TMEM43: variants seen among roughly 807,000 people sequenced by gnomAD.
The protein encoded by TMEM43 is transmembrane protein 43, also known as arrhythmogenic right ventricular dysplasia 5.
Under a neutral mutation model 49.6 loss-of-function variants are expected in TMEM43, and 45 were observed. The observed-to-expected ratio is 0.91, with a 90% confidence interval of 0.71 to 1.16. The LOEUF (loss-of-function observed/expected upper bound fraction) is 1.16, where lower values mean the gene tolerates loss of function less well. TMEM43 is among the 50% of genes most tolerant of loss of function. TMEM43 has a pLI of 0.00. For synonymous variants in TMEM43, 199 were observed against 207.8 expected (o/e 0.96, Z 0.36); for missense variants, 532 against 516.6 (o/e 1.03, Z -0.29).
chr3:14,135,869 T>A lies in TMEM43; in HGVS notation c.843T>A (p.Asp281Glu), dbSNP rs1559362215. 6.2e-7 allele frequency: 1 copy of A among 1,614,174 alleles called. No individual in the cohort carries two copies. Among genetic ancestry groups the A allele is most frequent in the Non-Finnish European group, 8.5e-7 (1 of 1,180,034 alleles). ...TCCCATTCTCCACCAAGTCTGGGGA[T>A]ACCTTACTGCTCCTGCACCACGGGG... Reference protein sequence around the residue: ...QLVPFSTKSGDTLLLLHHGDF... With the variant: ...QLVPFSTKSGETLLLLHHGDF... The change falls in exon 10 of 12, where the codon GAT (aspartate) becomes GAA (glutamate). Residue 281 changes from aspartate (D) to glutamate (E), a missense_variant. Coordinates refer to ENST00000306077, the MANE Select transcript of TMEM43 (RefSeq NM_024334.3).
chr3:14,125,251 G>A lies in TMEM43; in HGVS notation c.12+46G>A, dbSNP rs1354757435. 3.8e-6 allele frequency: 6 copies of A among 1,583,370 alleles called. No individual in the cohort carries two copies. The South Asian group carries it at 6.9e-5, about 18-fold the overall frequency. Reference sequence around the variant, plus strand: ...CGGGCCACACCCAGGCTTCCCCGTCGCCCTGGGGCTTTTCCCCGGGGTCCT... The same window carrying A: ...CGGGCCACACCCAGGCTTCCCCGTCACCCTGGGGCTTTTCCCCGGGGTCCT... On this transcript the variant is annotated intron_variant, in intron 1 of 11. Transcript: ENST00000306077.
Position 14,141,748 on chromosome 3 carries a change from C to G in TMEM43, c.1156C>G (p.Pro386Ala). 1 of 1,614,100 alleles carries G rather than the reference C, an allele frequency of 6.2e-7. No homozygotes were observed. Among genetic ancestry groups the G allele is most frequent in the East Asian group, 2.2e-5 (1 of 44,884 alleles). The change falls in exon 12 of 12, where the codon CCC (proline) becomes GCC (alanine). Residue 386 changes from proline (P) to alanine (A), a missense_variant. Coordinates refer to ENST00000306077, the MANE Select transcript of TMEM43 (RefSeq NM_024334.3). ...CCTCATTGCCGGCCTGGCCCTTGTG[C>G]CCATCCTTGTTGCTCGGACACGGGT... ...ALLIAGLALV[P>A]ILVARTRVPA... is the part of the protein sequence containing the mutation.
rs1695253499 is a variant in TMEM43, at chr3:14,141,870, A to T, written c.*75A>T. On this transcript the variant is annotated 3_prime_UTR_variant, in exon 12 of 12. Coordinates refer to ENST00000306077, the MANE Select transcript of TMEM43 (RefSeq NM_024334.3). ...CCTCTCTCACCTCTGACCCAGCTCC[A>T]TGCCAGAGCAGGAGCCCCGGTCAAT... is the stretch of plus-strand genomic sequence containing the variant. The T allele has an allele frequency of 6.8e-7, 1 of 1,460,004 alleles. No individual in the cohort carries two copies. The highest frequency in any genetic ancestry group is 1.4e-5 in the African/African-American group (1 of 71,306). The allele number at this position is 1,460,004 out of a possible 1,614,324, so 90.4% of individuals were successfully genotyped here. A position where few individuals can be genotyped will look rare whatever the true frequency, so the allele number is the denominator to read the frequency against.
Position 14,142,733 on chromosome 3 carries a change from A to G in TMEM43, c.*938A>G, listed in dbSNP as rs536962928. On this transcript the variant is annotated 3_prime_UTR_variant, in exon 12 of 12. Coordinates refer to ENST00000306077, the MANE Select transcript of TMEM43 (RefSeq NM_024334.3). ...AAGCTTTACAATGGATGCTTTTGAA[A>G]CAAGTATCAGCAAAAGGATTTGTTT... The G allele has an allele frequency of 1.3e-5, 2 of 152,786 alleles. No individual in the cohort carries two copies. Among genetic ancestry groups the G allele is most frequent in the African/African-American group, 4.8e-5 (2 of 41,582 alleles). 9.5% of individuals were successfully genotyped at this position (152,786 alleles called of 1,614,324 possible).
At chr3:14,133,649 G>C (rs2733585) in intron 6 of TMEM43, 90 bp from the exon 7 acceptor site, 19 of 1,225,096 alleles carry the variant, frequency 1.6e-5, no homozygotes, top group Non-Finnish European at 2.3e-5. Flanking sequence ...GAACCCCCGG[G>C]TGGGGACCCT....
chr3:14,137,668 C>G (rs994620882), intron 10 of TMEM43, among the ~76,000 whole-genome samples: 1 of 152,250 alleles, frequency 6.6e-6, no homozygotes, highest in Admixed American at 6.5e-5. Context: ...ACACTGCAGA[C>G]GGCCCTGGCA....
chr3:14,142,198 G>A lies in TMEM43; in HGVS notation c.*403G>A, dbSNP rs578094273. 3.5e-5 allele frequency: 9 copies of A among 254,172 alleles called. No homozygotes were observed. The South Asian group carries it at 3.9e-4, about 11-fold the overall frequency. The allele number at this position is 254,172 out of a possible 1,614,324, so 15.7% of individuals were successfully genotyped here. ...TGCTGCTTCTCATCACTGCACACAA[G>A]TGCCATGCTTTGCCACCACCACCAA... On this transcript the variant is annotated 3_prime_UTR_variant, in exon 12 of 12. Transcript: ENST00000306077.
rs370969669 is a variant in TMEM43, at chr3:14,133,398, G to T, written c.513-341G>T. On this transcript the variant is annotated intron_variant, in intron 6 of 11. Coordinates refer to ENST00000306077, the MANE Select transcript of TMEM43 (RefSeq NM_024334.3). Reference sequence around the variant, plus strand: ...TTCAGCAATGGTCTGGGCTGTGCCAGTAAGATGGTTGGGATGGAATGCTCT... The same window carrying T: ...TTCAGCAATGGTCTGGGCTGTGCCATTAAGATGGTTGGGATGGAATGCTCT... Among the ~76,000 whole-genome samples, 57 of 152,346 alleles carry T rather than the reference G, an allele frequency of 3.7e-4. 1 individual carries two copies. Among genetic ancestry groups the T allele is most frequent in the Middle Eastern group, 6.8e-3 (2 of 294 alleles).
intron 1 of TMEM43, among the ~76,000 whole-genome samples, chr3:14,127,576 C>G (rs980492426): frequency 6.6e-6 from 1 of 152,144 alleles, no homozygotes; most frequent in African/African-American, 2.4e-5. Context: ...GATGACGTAA[C>G]CCTGAGCCCG....
intron 7 of TMEM43, among the ~76,000 whole-genome samples, chr3:14,134,403 T>G (rs1559361614): frequency 6.6e-6 from 1 of 152,106 alleles, no homozygotes; most frequent in Non-Finnish European, 1.5e-5. Context: ...CCGCTTTCTG[T>G]GTGCTTTGTT....
intron 2 of TMEM43, among the ~76,000 whole-genome samples, chr3:14,130,530 A>T (rs1017686429): frequency 1.3e-5 from 2 of 152,164 alleles, no homozygotes; most frequent in African/African-American, 2.4e-5. Flanking sequence ...AAATGGGGAG[A>T]AAGGGACAGG....
At chr3:14,133,542 CAGAGTG>C (rs1417609973) in intron 6 of TMEM43, among the ~76,000 whole-genome samples, 191 bp from the exon 7 acceptor site, 1 of 152,158 alleles carries the variant, frequency 6.6e-6, no homozygotes, top group African/African-American at 2.4e-5. Flanking sequence ...GAACAGGAGA[CAGAGTG>C]AGGGTGCTCA....
chr3:14,141,653 G>A lies in TMEM43; in HGVS notation c.1061G>A (p.Cys354Tyr), dbSNP rs187262922. 2 of 1,614,054 alleles carry A rather than the reference G, an allele frequency of 1.2e-6. No individual in the cohort carries two copies. The highest frequency in any genetic ancestry group is 1.3e-5 in the African/African-American group (1 of 74,912). Residue 354 changes from cysteine (C) to tyrosine (Y), a missense_variant, in exon 12 of 12, where the codon TGT becomes TAT. By Grantham distance (194) the Cys-to-Tyr change is radical. Transcript: ENST00000306077. ...VNIGLKAFAF[C>Y]VATSLTLLTV... Reference sequence around the variant, plus strand: ...ATTGGCCTGAAAGCCTTTGCCTTCTGTGTGGCCACCTCGCTGACCCTGCTG... The same window carrying A: ...ATTGGCCTGAAAGCCTTTGCCTTCTATGTGGCCACCTCGCTGACCCTGCTG...
chr3:14,127,612 G>A (rs908093157), intron 1 of TMEM43, among the ~76,000 whole-genome samples: 1 of 152,186 alleles, frequency 6.6e-6, no homozygotes, highest in Admixed American at 6.5e-5. Context: ...AAATGGGGTC[G>A]TTATGACATC....
In TMEM43 at chr3:14,141,861, C is replaced by T. The variant is rs1695253465; in HGVS notation, c.*66C>T. The T allele has an allele frequency of 1.6e-5, 24 of 1,505,132 alleles. No individual in the cohort carries two copies. Among genetic ancestry groups the T allele is most frequent in the Non-Finnish European group, 2.2e-5 (24 of 1,111,234 alleles). 93.2% of individuals were successfully genotyped at this position (1,505,132 alleles called of 1,614,324 possible). On this transcript the variant is annotated 3_prime_UTR_variant, in exon 12 of 12. Coordinates refer to ENST00000306077, the MANE Select transcript of TMEM43 (RefSeq NM_024334.3). Reference sequence around the variant, plus strand: ...GATCCAGGTCCTCTCTCACCTCTGACCCAGCTCCATGCCAGAGCAGGAGCC... The same window carrying T: ...GATCCAGGTCCTCTCTCACCTCTGATCCAGCTCCATGCCAGAGCAGGAGCC...
At chr3:14,139,081 A>G in intron 10 of TMEM43, 99 bp from the exon 11 acceptor site, 1 of 877,332 alleles carries the variant, frequency 1.1e-6, no homozygotes, top group Admixed American at 1.7e-5. Context: ...GAAATGGCCA[A>G]CAGCTCCCGA....
chr3:14,138,527 C>T (rs1237574425), intron 10 of TMEM43, among the ~76,000 whole-genome samples: 1 of 152,034 alleles, frequency 6.6e-6, no homozygotes, highest in African/African-American at 2.4e-5. Flanking sequence ...GGAGAAGGCG[C>T]CAGTGTCAGC....
Position 14,142,584 on chromosome 3 carries a change from T to C in TMEM43, c.*789T>C, listed in dbSNP as rs1278236936. 6.5e-6 allele frequency: 1 copy of C among 152,686 alleles called. No individual in the cohort carries two copies. The highest frequency in any genetic ancestry group is 6.5e-5 in the Admixed American group (1 of 15,284). The allele number at this position is 152,686 out of a possible 1,614,324, so 9.5% of individuals were successfully genotyped here. On this transcript the variant is annotated 3_prime_UTR_variant, in exon 12 of 12. Coordinates refer to ENST00000306077, the MANE Select transcript of TMEM43 (RefSeq NM_024334.3). The stretch of plus-strand genomic sequence containing the variant: ...AACAAAACAAAAAAAACACTTAATA[T>C]TTCAGACTGTTACAGGAAACACCCT...
At chr3:14,131,553 T>G (rs1251674965) in intron 3 of TMEM43, 27 bp from the exon 4 acceptor site, 2 of 1,601,896 alleles carry the variant, frequency 1.2e-6, no homozygotes, top group South Asian at 2.2e-5. Context: ...TCCTTTATTT[T>G]TTTGGTTTCT....
Sources: allele counts gnomAD v4.1 joint callset (sites outside exome capture counted in the v4.1 genomes callset), GRCh38; gene constraint gnomAD v4.1.1; transcripts MANE v1.5; gene names NCBI Gene and HGNC (gene_info 2026-07-23, HGNC 2026-07-21).